NDNF: variants seen among roughly 807,000 people sequenced by gnomAD.
The protein encoded by NDNF is protein NDNF.
A neutral mutation model predicts 42.0 loss-of-function variants in NDNF; 16 were observed. That is an observed-to-expected ratio of 0.38 (90% CI 0.26 to 0.58). The LOEUF (loss-of-function observed/expected upper bound fraction) is 0.58, where lower values mean the gene tolerates loss of function less well. NDNF is among the 20% of genes least tolerant of loss of function. The pLI is 0.67. For missense variants in NDNF, 616 were observed against 666.2 expected (o/e 0.92, Z 0.83); for synonymous variants, 248 against 251.7 (o/e 0.99, Z 0.14).
chr4:121,062,728 T>C (rs1252928339), intron 1 of NDNF, among the ~76,000 whole-genome samples: 1 of 151,618 alleles, frequency 6.6e-6, no homozygotes, highest in Non-Finnish European at 1.5e-5. Context: ...TCTTTTTTAT[T>C]TTTTTAAGGG....
chr4:121,061,865 G>A (rs988952935), intron 1 of NDNF, among the ~76,000 whole-genome samples: 1 of 152,108 alleles, frequency 6.6e-6, no homozygotes, highest in African/African-American at 2.4e-5. Flanking sequence ...GATCGGCTTT[G>A]GTACTTTGAG....
In NDNF at chr4:121,045,744, T is replaced by C; in HGVS notation, c.94A>G (p.Met32Val). ...AAAAATGCCTTGTCCCGGATCTGCA[T>C]CTGAAAAAGTTCCTCATCCCGGGTG... ...LPTRDEELFQ[M>V]QIRDKAFFHD... Residue 32 changes from methionine (M) to valine (V), a missense_variant, in exon 2 of 4, where the codon ATG becomes GTG. Met to Val is a conservative substitution (Grantham distance 21). Coordinates refer to ENST00000379692, the MANE Select transcript of NDNF (RefSeq NM_024574.4). 1.2e-6 allele frequency: 2 copies of C among 1,614,200 alleles called. No homozygotes were observed. Among genetic ancestry groups the C allele is most frequent in the Non-Finnish European group, 1.7e-6 (2 of 1,180,024 alleles).
chr4:121,050,613 C>G lies in NDNF; in HGVS notation c.-1-4775G>C, dbSNP rs141164506. ...TGCTTGGCAGATCAACTTGGTTGCA[C>G]AGTATCCACAACCCAAAAGAACTTG... On this transcript the variant is annotated intron_variant, in intron 1 of 3. Transcript: ENST00000379692. 1.1e-4 allele frequency among the ~76,000 whole-genome samples: 16 copies of G among 152,276 alleles called. 1 individual carries two copies. The highest frequency in any genetic ancestry group is 2.9e-4 in the African/African-American group (12 of 41,568).
rs1343956700 is a variant in NDNF at position 121,036,667 on chromosome 4, G to A, written c.1304C>T (p.Ala435Val). Reference sequence around the variant, plus strand: ...TGACTGCTTAGTAGGCCTTGTGGTAGCTAGAATTTTCAACATAGATGCTCC... The same window carrying A: ...TGACTGCTTAGTAGGCCTTGTGGTAACTAGAATTTTCAACATAGATGCTCC... ...KKGASMLKIL[A>V]TTRPTKQSFP... Residue 435 changes from alanine to valine, a missense_variant, in exon 4 of 4, where the codon GCT becomes GTT. Coordinates refer to ENST00000379692, the MANE Select transcript of NDNF (RefSeq NM_024574.4). The A allele has an allele frequency of 6.2e-7, 1 of 1,614,056 alleles. No homozygotes were observed. The highest frequency in any genetic ancestry group is 8.5e-7 in the Non-Finnish European group (1 of 1,180,020).
chr4:121,070,230 T>C (rs1024680319), intron 1 of NDNF, among the ~76,000 whole-genome samples: 2 of 77,482 alleles, frequency 2.6e-5, no homozygotes, highest in Admixed American at 1.5e-4. Context: ...CAAACAATAA[T>C]GAATAATCAT....
intron 1 of NDNF, among the ~76,000 whole-genome samples, chr4:121,070,221 A>G (rs1013811077): frequency 1.3e-5 from 1 of 78,038 alleles, no homozygotes; most frequent in Non-Finnish European, 4.4e-5. Context: ...CACTCTTAAC[A>G]AACAATAATG....
intron 1 of NDNF, among the ~76,000 whole-genome samples, chr4:121,060,143 C>T (rs995312057): frequency 1.7e-4 from 26 of 152,142 alleles, no homozygotes; most frequent in African/African-American, 6.3e-4. Context: ...TATATCCATA[C>T]TATTTCAGTT....
At chr4:121,067,256 T>A (rs1727514392) in intron 1 of NDNF, among the ~76,000 whole-genome samples, 1 of 152,196 alleles carries the variant, frequency 6.6e-6, no homozygotes, top group African/African-American at 2.4e-5. Flanking sequence ...AAAAGAGACA[T>A]TTGATAAATT....
At chr4:121,053,549 A>T (rs1043884570) in intron 1 of NDNF, among the ~76,000 whole-genome samples, 1 of 152,222 alleles carries the variant, frequency 6.6e-6, no homozygotes. Flanking sequence ...AGGAAGCCAG[A>T]CCCATTTTAG....
chr4:121,052,730 T>C (rs1727221373), intron 1 of NDNF, among the ~76,000 whole-genome samples: 2 of 152,338 alleles, frequency 1.3e-5, no homozygotes, highest in East Asian at 1.9e-4. Context: ...CCAGCGTGGA[T>C]GTACGGATTC....
At chr4:121,045,628 G>C in intron 2 of NDNF, 22 bp downstream of exon 2, 1 of 1,598,920 alleles carries the variant, frequency 6.3e-7, no homozygotes, top group Admixed American at 1.7e-5. Flanking sequence ...TTTTAATAAA[G>C]AAAATACTGC....
intron 2 of NDNF, among the ~76,000 whole-genome samples, chr4:121,042,107 T>C (rs187806803): frequency 1.0e-3 from 152 of 152,334 alleles, no homozygotes; most frequent in African/African-American, 3.6e-3. Context: ...GACTATATAA[T>C]TGTATTATCA....
intron 3 of NDNF, among the ~76,000 whole-genome samples, chr4:121,038,396 C>A (rs12504161): frequency 1.4e-5 from 1 of 73,210 alleles, no homozygotes; most frequent in African/African-American, 5.4e-5. Context: ...TAAAATAAAA[C>A]AAAACAAAAC....
intron 1 of NDNF, among the ~76,000 whole-genome samples, chr4:121,055,794 A>AATAC (rs1039175040): frequency 1.3e-5 from 2 of 151,972 alleles, no homozygotes; most frequent in African/African-American, 2.4e-5. Flanking sequence ...AGAGAAAGGC[A>AATAC]ATACATACAC....
chr4:121,039,981 A>T lies in NDNF; in HGVS notation c.262T>A (p.Trp88Arg). 6.2e-7 allele frequency: 1 copy of T among 1,613,734 alleles called. No homozygotes were observed. Among genetic ancestry groups the T allele is most frequent in the Non-Finnish European group, 8.5e-7 (1 of 1,179,906 alleles). ...TVTPCDAPLE[W>R]KLSLQELPED... ...GGCAGCTCCTGGAGGCTCAGCTTCC[A>T]CTCCAAAGGCGCATCACAGGGCGTC... Residue 88 changes from tryptophan to arginine, a missense_variant, in exon 3 of 4, where the codon TGG (tryptophan) becomes AGG (arginine). By Grantham distance (101) the Trp-to-Arg change is moderately radical. Transcript: ENST00000379692.
At chr4:121,063,176 A>C (rs1452792866) in intron 1 of NDNF, among the ~76,000 whole-genome samples, 1 of 152,190 alleles carries the variant, frequency 6.6e-6, no homozygotes, top group Non-Finnish European at 1.5e-5. Context: ...TTATAATGGA[A>C]CAACTTGATA....
At chr4:121,051,587 C>G (rs1261144889) in intron 1 of NDNF, among the ~76,000 whole-genome samples, 1 of 152,132 alleles carries the variant, frequency 6.6e-6, no homozygotes, top group Non-Finnish European at 1.5e-5. Context: ...ACAACATACC[C>G]TACAAAAATT....
At chr4:121,040,139 A>AT (rs1350962167) in intron 2 of NDNF, 85 bp from the exon 3 acceptor site, 25 of 1,306,426 alleles carry the variant, frequency 1.9e-5, no homozygotes, top group Middle Eastern at 5.4e-4. Context: ...ATTTGGTTTT[A>AT]ATTTTTTTTT....
rs1379941090 is a variant in NDNF, at chr4:121,072,358, G to A, written c.-367C>T. 2 of 151,724 alleles carry A rather than the reference G, an allele frequency of 1.3e-5. No individual in the cohort carries two copies. The highest frequency in any genetic ancestry group is 4.8e-5 in the African/African-American group (2 of 41,334). The allele number at this position is 151,724 out of a possible 1,614,324, so 9.4% of individuals were successfully genotyped here. A position where few individuals can be genotyped will look rare whatever the true frequency, so the allele number is the denominator to read the frequency against. On this transcript the variant is annotated 5_prime_UTR_variant, in exon 1 of 4. Transcript: ENST00000379692. Reference sequence around the variant, plus strand: ...GCGTGCGGGGGCTGGGCGGCGGGAGGATGCCGCAGCGACCCGCGGGGCTGG... The same window carrying A: ...GCGTGCGGGGGCTGGGCGGCGGGAGAATGCCGCAGCGACCCGCGGGGCTGG...
Sources: gnomAD v4.1 joint callset for allele counts (sites outside exome capture counted in the v4.1 genomes callset) on GRCh38, gnomAD v4.1.1 for gene constraint, MANE v1.5 for transcripts, NCBI Gene and HGNC (gene_info 2026-07-23, HGNC 2026-07-21) for gene names.